PSTPIP1: variants seen among roughly 807,000 people sequenced by gnomAD.
PSTPIP1 encodes the protein proline-serine-threonine phosphatase interacting protein 1.
PSTPIP1 carries 66 observed loss-of-function variants against 69.6 expected under a neutral mutation model. The ratio of observed to expected loss-of-function variants is 0.95; its 90% CI spans 0.78 to 1.16. The LOEUF (loss-of-function observed/expected upper bound fraction) is 1.16. PSTPIP1 is among the 50% of genes most tolerant of loss of function. The pLI is 0.00. For missense variants in PSTPIP1, 603 were observed against 557.4 expected, an observed-to-expected ratio of 1.08 and a Z score of -0.82; for synonymous variants, 266 against 222.7, an observed-to-expected ratio of 1.19 and a Z score of -1.73.
chr15:77,021,999 C>T (rs1048277772), intron 3 of PSTPIP1, among the ~76,000 whole-genome samples: 1 of 152,260 alleles, frequency 6.6e-6, no homozygotes, highest in African/African-American at 2.4e-5. Context: ...GGCCAGCTTC[C>T]TGTAGCCCCT....
Position 77,037,432 on chromosome 15 carries a change from A to G in PSTPIP1, c.*256A>G. Reference sequence around the variant, plus strand: ...AACAAGGGAAGGAGCCTGGATGTGGAGCTCCCCAACTCAGCCGAGGCTTCA... The same window carrying G: ...AACAAGGGAAGGAGCCTGGATGTGGGGCTCCCCAACTCAGCCGAGGCTTCA... On this transcript the variant is annotated 3_prime_UTR_variant, in exon 15 of 15. Transcript: ENST00000558012. 3 of 388,968 alleles carry G rather than the reference A, an allele frequency of 7.7e-6. No individual in the cohort carries two copies. Among genetic ancestry groups the G allele is most frequent in the Non-Finnish European group, 1.4e-5 (3 of 212,208 alleles). 24.1% of individuals were successfully genotyped at this position (388,968 alleles called of 1,614,324 possible).
rs2076324916 is a variant in PSTPIP1, at chr15:77,028,057, C to A, written c.417+143C>A. On this transcript the variant is annotated intron_variant, in intron 6 of 14. Transcript: ENST00000558012. ...TCCTCGGACCTCGGCCTTGGGCGCA[C>A]CAGCCTGCGGGGCGCTTGGGCCCGT... The A allele has an allele frequency of 3.7e-6, 3 of 809,282 alleles. No homozygotes were observed. The Admixed American group carries it at 6.9e-5, about 19-fold the overall frequency. The allele number at this position is 809,282 out of a possible 1,614,324, so 50.1% of individuals were successfully genotyped here. A position where few individuals can be genotyped will look rare whatever the true frequency, so the allele number is the denominator to read the frequency against.
chr15:76,999,912 G>A (rs2075661254), intron 1 of PSTPIP1, among the ~76,000 whole-genome samples: 1 of 152,192 alleles, frequency 6.6e-6, no homozygotes, highest in Non-Finnish European at 1.5e-5. Flanking sequence ...AGATTCTATT[G>A]AGATCCACAT....
In PSTPIP1 at chr15:77,037,117, A is replaced by G. The variant is rs771740478; in HGVS notation, c.1192A>G (p.Thr398Ala). ...CCTGGAAGGGGAGGATGGCTGGTGG[A>G]CTGTGGAGAGGAACGGGCAGCGTGG... ...VILEGEDGWW[T>A]VERNGQRGFV... is the part of the protein sequence containing the mutation. The change falls in exon 15 of 15, where the codon ACT becomes GCT. Residue 398 changes from threonine (T) to alanine (A), a missense_variant. By Grantham distance (58) the Thr-to-Ala change is moderately conservative. Coordinates refer to ENST00000558012, the MANE Select transcript of PSTPIP1 (RefSeq NM_003978.5). 1.6e-5 allele frequency: 25 copies of G among 1,612,180 alleles called. No individual in the cohort carries two copies. The highest frequency in any genetic ancestry group is 1.6e-4 in the Middle Eastern group (1 of 6,082).
At chr15:77,018,408 C>A (rs750598433) in intron 2 of PSTPIP1, 49 bp from the exon 3 acceptor site, 1 of 1,551,604 alleles carries the variant, frequency 6.4e-7, no homozygotes, top group Non-Finnish European at 8.7e-7. Context: ...GGGCCTCCCC[C>A]AGAGGTGGCA....
intron 9 of PSTPIP1, 125 bp downstream of exon 9, chr15:77,030,706 A>AT: frequency 1.0e-6 from 1 of 978,654 alleles, no homozygotes. Context: ...TCACTCGTTT[A>AT]TTCAGCCTCC....
intron 14 of PSTPIP1, 35 bp downstream of exon 14, chr15:77,035,970 C>A: frequency 6.4e-7 from 1 of 1,554,890 alleles, no homozygotes; most frequent in Non-Finnish European, 8.7e-7. Context: ...ACCTGTGCCA[C>A]CTCCCCTGCA....
chr15:77,022,859 A>G (rs1381569949), intron 3 of PSTPIP1, among the ~76,000 whole-genome samples: 1 of 152,202 alleles, frequency 6.6e-6, no homozygotes, highest in Non-Finnish European at 1.5e-5. Context: ...TGGAGGGGCC[A>G]AAGCCTGCCT....
At chr15:77,002,370 T>C (rs533009481) in intron 1 of PSTPIP1, among the ~76,000 whole-genome samples, 1 of 152,378 alleles carries the variant, frequency 6.6e-6, no homozygotes, top group African/African-American at 2.4e-5. Context: ...GTCTATGGAT[T>C]TGGAAGTAGG....
chr15:77,014,624 G>C (rs879860412), intron 1 of PSTPIP1, among the ~76,000 whole-genome samples: 1 of 152,234 alleles, frequency 6.6e-6, no homozygotes, highest in Non-Finnish European at 1.5e-5. Flanking sequence ...TCTCGCCCCT[G>C]CAGCCACCAA....
At chr15:77,017,133 C>T (rs376906072) in intron 1 of PSTPIP1, among the ~76,000 whole-genome samples, 25 of 152,272 alleles carry the variant, frequency 1.6e-4, no homozygotes, top group African/African-American at 5.8e-4. Flanking sequence ...CTGGAGTAAG[C>T]CTGCGTGCAG....
chr15:77,030,946 G>A lies in PSTPIP1; in HGVS notation c.643-234G>A, dbSNP rs192774024. Among the ~76,000 whole-genome samples, 507 of 152,356 alleles carry A rather than the reference G, an allele frequency of 3.3e-3. 1 individual carries two copies. Among genetic ancestry groups the A allele is most frequent in the Admixed American group, 6.2e-3 (95 of 15,308 alleles). On this transcript the variant is annotated intron_variant, in intron 9 of 14. Transcript: ENST00000558012. The stretch of plus-strand genomic sequence containing the variant: ...CACTACCCTTCTGCCTCGGTGTGGT[G>A]CAGCCTGAAGGGAGGCTGGGGCAGG...
chr15:77,021,010 C>G (rs1039206042), intron 3 of PSTPIP1, among the ~76,000 whole-genome samples: 1 of 152,196 alleles, frequency 6.6e-6, no homozygotes, highest in Non-Finnish European at 1.5e-5. Context: ...CCCCCCAGGT[C>G]TATGGGATGC....
At chr15:77,020,509 G>GGT (rs1396111174) in intron 3 of PSTPIP1, among the ~76,000 whole-genome samples, 1 of 152,186 alleles carries the variant, frequency 6.6e-6, no homozygotes, top group Admixed American at 6.5e-5. Context: ...TGTTCCTTTC[G>GGT]GTGTAGGCCA....
chr15:77,029,342 C>T (rs1214704342), intron 7 of PSTPIP1, among the ~76,000 whole-genome samples, 187 bp from the exon 8 acceptor site: 1 of 152,190 alleles, frequency 6.6e-6, no homozygotes, highest in Non-Finnish European at 1.5e-5. Context: ...CGTTCTCTTT[C>T]CATGGAGCTA....
intron 11 of PSTPIP1, 37 bp from the exon 12 acceptor site, chr15:77,032,825 G>C: frequency 6.6e-7 from 1 of 1,526,364 alleles, no homozygotes; most frequent in Middle Eastern, 2.1e-4. Flanking sequence ...ATGGGGTGTT[G>C]GGGGCCGCCC....
chr15:77,029,596 G>C, intron 8 of PSTPIP1, 22 bp downstream of exon 8: 1 of 1,563,552 alleles, frequency 6.4e-7, no homozygotes. Flanking sequence ...TGGCTGCCCC[G>C]TCCGACCAGG....
At chr15:77,020,875 G>C (rs926700241) in intron 3 of PSTPIP1, among the ~76,000 whole-genome samples, 7 of 143,880 alleles carry the variant, frequency 4.9e-5, no homozygotes, top group East Asian at 2.1e-4. Flanking sequence ...CTGTGGGGGG[G>C]GGGGGTGTGT....
At chr15:76,998,614 A>G (rs1177221459) in intron 1 of PSTPIP1, among the ~76,000 whole-genome samples, 1 of 152,166 alleles carries the variant, frequency 6.6e-6, no homozygotes, top group Non-Finnish European at 1.5e-5. Context: ...ATGCTGATGG[A>G]CCTGGACTAC....
Sources: allele counts gnomAD v4.1 joint callset (sites outside exome capture counted in the v4.1 genomes callset), GRCh38; gene constraint gnomAD v4.1.1; transcripts MANE v1.5; gene names NCBI Gene and HGNC (gene_info 2026-07-23, HGNC 2026-07-21).